FOXO1: variants seen among roughly 807,000 people sequenced by gnomAD.
The protein encoded by FOXO1 is forkhead box O1, also known as forkhead box protein O1.
Under a neutral mutation model 44.1 loss-of-function variants are expected in FOXO1, and 6 were observed. The observed-to-expected ratio is 0.14, with a 90% CI of 0.07 to 0.27. The LOEUF is 0.27. Ranked by LOEUF, FOXO1 falls within the 10% of genes least tolerant of loss-of-function variation. The pLI is 1.00. For synonymous variants in FOXO1, 380 were observed against 362.7 expected, an observed-to-expected ratio of 1.05 and a Z score of -0.54; for missense variants, 737 against 888.8, an observed-to-expected ratio of 0.83 and a Z score of 2.17.
At chr13:40,565,125 A>C (rs1874217155) in intron 1 of FOXO1, among the ~76,000 whole-genome samples, 1 of 152,168 alleles carries the variant, frequency 6.6e-6, no homozygotes, top group South Asian at 2.1e-4. Context: ...CTTGACCCCC[A>C]AAAAAATTAC....
chr13:40,651,491 A>C (rs1156790675), intron 1 of FOXO1, among the ~76,000 whole-genome samples: 1 of 151,318 alleles, frequency 6.6e-6, no homozygotes, highest in African/African-American at 2.4e-5. Context: ...AACCCTGATA[A>C]ATTTCCTTAG....
intron 1 of FOXO1, among the ~76,000 whole-genome samples, chr13:40,615,341 A>G (rs1205767179): frequency 1.3e-5 from 2 of 152,186 alleles, no homozygotes; most frequent in Non-Finnish European, 1.5e-5. Context: ...GTTGGAGACC[A>G]GACTGGCCAA....
At chr13:40,565,875 C>A (rs1874250147) in intron 1 of FOXO1, among the ~76,000 whole-genome samples, 1 of 152,208 alleles carries the variant, frequency 6.6e-6, no homozygotes, top group African/African-American at 2.4e-5. Flanking sequence ...TAACCACACA[C>A]TGCACTGCTC....
At chr13:40,594,861 A>AT (rs1209099382) in intron 1 of FOXO1, among the ~76,000 whole-genome samples, 2 of 151,826 alleles carry the variant, frequency 1.3e-5, no homozygotes, top group African/African-American at 4.8e-5. Flanking sequence ...AATTTCTTTT[A>AT]TTTTTTCTAG....
intron 1 of FOXO1, among the ~76,000 whole-genome samples, chr13:40,577,595 G>A (rs912195115): frequency 6.6e-6 from 1 of 152,094 alleles, no homozygotes; most frequent in African/African-American, 2.4e-5. Context: ...CACACCTTAG[G>A]TTATTAACTT....
intron 1 of FOXO1, among the ~76,000 whole-genome samples, chr13:40,598,210 G>A (rs568656923): frequency 2.1e-4 from 32 of 152,298 alleles, no homozygotes; most frequent in African/African-American, 7.0e-4. Flanking sequence ...GAACACCGGC[G>A]AAACTGGCTC....
intron 1 of FOXO1, among the ~76,000 whole-genome samples, chr13:40,569,996 T>C (rs1438572625): frequency 6.6e-6 from 1 of 152,118 alleles, no homozygotes; most frequent in Non-Finnish European, 1.5e-5. Context: ...CATGACTATT[T>C]ACTTTATGGA....
At chr13:40,598,209 C>T (rs182479254) in intron 1 of FOXO1, among the ~76,000 whole-genome samples, 3 of 152,162 alleles carry the variant, frequency 2.0e-5, no homozygotes, top group Admixed American at 6.5e-5. Context: ...AGAACACCGG[C>T]GAAACTGGCT....
chr13:40,587,937 T>C, intron 1 of FOXO1, among the ~76,000 whole-genome samples: 1 of 152,174 alleles, frequency 6.6e-6, no homozygotes, highest in South Asian at 2.1e-4. Context: ...CTTTAAGGCC[T>C]TTCATGTGAA....
At chr13:40,585,501 T>C (rs577101180) in intron 1 of FOXO1, among the ~76,000 whole-genome samples, 2 of 152,356 alleles carry the variant, frequency 1.3e-5, no homozygotes, top group South Asian at 4.1e-4. Context: ...CAGCTTCAGC[T>C]GTTCCAGCTC....
At chr13:40,665,470 G>T in intron 1 of FOXO1, 113 bp downstream of exon 1, 1 of 964,612 alleles carries the variant, frequency 1.0e-6, no homozygotes, top group Non-Finnish European at 1.4e-6. Flanking sequence ...CCGCCCTCCT[G>T]GGAACGCGCT....
At chr13:40,603,985 G>C (rs1255935653) in intron 1 of FOXO1, among the ~76,000 whole-genome samples, 2 of 152,078 alleles carry the variant, frequency 1.3e-5, no homozygotes, top group Admixed American at 1.3e-4. Context: ...TTAAGAACTG[G>C]GGTTGATGTG....
intron 1 of FOXO1, among the ~76,000 whole-genome samples, chr13:40,582,972 T>C (rs2137853399): frequency 6.6e-6 from 1 of 152,326 alleles, no homozygotes; most frequent in South Asian, 2.1e-4. Flanking sequence ...CTATGGCAAC[T>C]TGGGCCTTAA....
Position 40,606,113 on chromosome 13 carries a change from C to T in FOXO1, c.631-45253G>A, listed in dbSNP as rs543887600. Among the ~76,000 whole-genome samples the T allele has an allele frequency of 2.6e-5, 4 of 152,182 alleles. No homozygotes were observed. The East Asian group carries it at 5.8e-4, about 22-fold the overall frequency. The stretch of plus-strand genomic sequence containing the variant: ...GATAAAGCAAATGTAAAAATTGAAG[C>T]TCAAAATAACCTCCACCACTTTAGT... On this transcript the variant is annotated intron_variant, in intron 1 of 2. Coordinates refer to ENST00000379561, the MANE Select transcript of FOXO1 (RefSeq NM_002015.4).
rs2137820170 is a variant in FOXO1 at position 40,558,932 on chromosome 13, T to G, written c.*117A>C. 1.0e-5 allele frequency: 4 copies of G among 398,588 alleles called. 1 individual carries two copies. The highest frequency in any genetic ancestry group is 3.6e-5 in the East Asian group (1 of 28,048). 24.7% of individuals were successfully genotyped at this position (398,588 alleles called of 1,614,324 possible). A position where few individuals can be genotyped will look rare whatever the true frequency, so the allele number is the denominator to read the frequency against. Reference sequence around the variant, plus strand: ...AAAGGAGGGTTTTTTTTTTTGTTTTTTTTTTTAACCAAGAAAACTAAAAGG... The same window carrying G: ...AAAGGAGGGTTTTTTTTTTTGTTTTGTTTTTTAACCAAGAAAACTAAAAGG... On this transcript the variant is annotated 3_prime_UTR_variant, in exon 3 of 3. Transcript: ENST00000379561.
chr13:40,587,341 TAGTGAAAGATTGATTATCCGTGAAAGG>T (rs1875206664), intron 1 of FOXO1, among the ~76,000 whole-genome samples: 1 of 147,286 alleles, frequency 6.8e-6, no homozygotes, highest in Non-Finnish European at 1.5e-5. Context: ...TACGAACAGA[TAGTGAAAGATTGATTATCCGTGAAAGG>T]AAGGAAAACA....
At chr13:40,663,129 T>A (rs759426459) in intron 1 of FOXO1, among the ~76,000 whole-genome samples, 44 of 152,240 alleles carry the variant, frequency 2.9e-4, no homozygotes, top group Admixed American at 5.2e-4. Context: ...CAAAGCCCCA[T>A]TAGGCTCCCA....
At chr13:40,631,185 T>C (rs1876950672) in intron 1 of FOXO1, among the ~76,000 whole-genome samples, 1 of 152,174 alleles carries the variant, frequency 6.6e-6, no homozygotes, top group Non-Finnish European at 1.5e-5. Context: ...GAGGGATCCC[T>C]GCGAAAAGTA....
intron 1 of FOXO1, among the ~76,000 whole-genome samples, chr13:40,623,088 A>G (rs1876669178): frequency 6.6e-6 from 1 of 152,108 alleles, no homozygotes; most frequent in East Asian, 1.9e-4. Context: ...ATTTGCATTT[A>G]TTCACCTTTC....
Sources: gnomAD v4.1 joint callset for allele counts (sites outside exome capture counted in the v4.1 genomes callset) on GRCh38, gnomAD v4.1.1 for gene constraint, MANE v1.5 for transcripts, NCBI Gene and HGNC (gene_info 2026-07-23, HGNC 2026-07-21) for gene names.